Variants in CNTN1 observed in about 807,000 individuals in gnomAD.
CNTN1 encodes the protein contactin 1, also known as contactin-1.
A neutral mutation model predicts 126.4 loss-of-function variants in CNTN1; 38 were observed. The ratio of observed to expected loss-of-function variants is 0.30; its 90% CI spans 0.23 to 0.39. CNTN1 has a LOEUF of 0.39. CNTN1 is among the 10% of genes least tolerant of loss of function. The pLI, the probability that CNTN1 is intolerant of heterozygous loss-of-function variation, is 1.00. For missense variants in CNTN1, 1,009 were observed against 1,248.4 expected, an observed-to-expected ratio of 0.81 and a Z score of 2.89; for synonymous variants, 413 against 422.6, an observed-to-expected ratio of 0.98 and a Z score of 0.28.
intron 14 of CNTN1, among the ~76,000 whole-genome samples, chr12:40,947,574 A>G: frequency 6.6e-6 from 1 of 151,886 alleles, no homozygotes. Context: ...TATGAATTTT[A>G]AATATCTCAT....
In CNTN1 at chr12:41,020,455, T is replaced by G; in HGVS notation, c.2523+15T>G. On this transcript the variant is annotated intron_variant, in intron 20 of 23. Coordinates refer to ENST00000551295, the MANE Select transcript of CNTN1 (RefSeq NM_001843.4). ...AAAGCTATCAGGTACGTTAAATTTTTATCAAACTAAATACATTTATTCATA... is the reference window on the plus strand; with the variant it reads ...AAAGCTATCAGGTACGTTAAATTTTGATCAAACTAAATACATTTATTCATA... The G allele has an allele frequency of 6.8e-7, 1 of 1,478,280 alleles. No individual in the cohort carries two copies. The highest frequency in any genetic ancestry group is 9.5e-7 in the Non-Finnish European group (1 of 1,057,808). The allele number at this position is 1,478,280 out of a possible 1,614,324, so 91.6% of individuals were successfully genotyped here. A position where few individuals can be genotyped will look rare whatever the true frequency, so the allele number is the denominator to read the frequency against.
At chr12:40,882,714 T>C (rs1274317217) in intron 1 of CNTN1, among the ~76,000 whole-genome samples, 1 of 151,634 alleles carries the variant, frequency 6.6e-6, no homozygotes, top group East Asian at 1.9e-4. Flanking sequence ...CCACCTGGTG[T>C]ACCTTCTAAG....
At chr12:40,972,031 A>G (rs1947531282) in intron 15 of CNTN1, 5 of 985,864 alleles carry the variant, frequency 5.1e-6, no homozygotes, top group African/African-American at 1.7e-5. Context: ...CTTTGGCATG[A>G]AAGAATGAAA....
chr12:40,767,149 G>C (rs991378210), intron 1 of CNTN1, among the ~76,000 whole-genome samples: 1 of 151,940 alleles, frequency 6.6e-6, no homozygotes, highest in Admixed American at 6.6e-5. Context: ...ATCAAGGAGA[G>C]TATTTAGAAA....
At chr12:40,782,438 CT>C (rs1939840574) in intron 1 of CNTN1, among the ~76,000 whole-genome samples, 1 of 151,882 alleles carries the variant, frequency 6.6e-6, no homozygotes, top group Admixed American at 6.6e-5. Context: ...TGCAACTGAT[CT>C]TCTATAGAAC....
intron 17 of CNTN1, among the ~76,000 whole-genome samples, chr12:41,002,650 C>T (rs541900103): frequency 9.9e-5 from 15 of 151,508 alleles, no homozygotes; most frequent in Admixed American, 3.3e-4. Flanking sequence ...CTCTGCCTCC[C>T]GGTTTAACGC....
chr12:40,732,331 T>G (rs1052136053), intron 1 of CNTN1, among the ~76,000 whole-genome samples: 4 of 152,136 alleles, frequency 2.6e-5, no homozygotes, highest in Non-Finnish European at 4.4e-5. Context: ...AATGGGGACA[T>G]TCAACATTAA....
At chr12:40,824,396 G>A (rs1941542895) in intron 1 of CNTN1, among the ~76,000 whole-genome samples, 1 of 152,010 alleles carries the variant, frequency 6.6e-6, no homozygotes, top group Admixed American at 6.6e-5. Context: ...ATAAATTAAT[G>A]TTTCTAAAGT....
Position 41,070,438 on chromosome 12 carries a change from T to C in CNTN1, c.*403T>C, listed in dbSNP as rs545368907. ...GTGAAATATAATAGAGATTGAAATGTTGGTTGTATGTGGTAAATGTAAGAG... is the reference window on the plus strand; with the variant it reads ...GTGAAATATAATAGAGATTGAAATGCTGGTTGTATGTGGTAAATGTAAGAG... On this transcript the variant is annotated 3_prime_UTR_variant, in exon 24 of 24. Coordinates refer to ENST00000551295, the MANE Select transcript of CNTN1 (RefSeq NM_001843.4). 5 of 279,492 alleles carry C rather than the reference T, an allele frequency of 1.8e-5. No individual in the cohort carries two copies. In the East Asian group the frequency reaches 4.5e-4, roughly 25 times the overall value. 17.3% of individuals were successfully genotyped at this position (279,492 alleles called of 1,614,324 possible).
At chr12:40,760,191 G>C (rs1938801145) in intron 1 of CNTN1, among the ~76,000 whole-genome samples, 1 of 151,942 alleles carries the variant, frequency 6.6e-6, no homozygotes, top group Admixed American at 6.6e-5. Flanking sequence ...AATATGTTTT[G>C]TTTTGATTTT....
chr12:41,023,509 T>A (rs1948972130), intron 20 of CNTN1, among the ~76,000 whole-genome samples: 1 of 152,246 alleles, frequency 6.6e-6, no homozygotes, highest in African/African-American at 2.4e-5. Context: ...TTTGGAACTT[T>A]GGGCTCTTGC....
intron 19 of CNTN1, among the ~76,000 whole-genome samples, chr12:41,019,017 G>A (rs1592412929): frequency 6.6e-6 from 1 of 152,070 alleles, no homozygotes; most frequent in East Asian, 1.9e-4. Context: ...TTAGCCAGGT[G>A]TTGTGGCACA....
intron 1 of CNTN1, among the ~76,000 whole-genome samples, chr12:40,809,812 TCTCACACACACA>T (rs1299463226): frequency 7.1e-5 from 3 of 42,058 alleles, no homozygotes; most frequent in African/African-American, 2.6e-4. Context: ...TGAGACTCTG[TCTCACACACACA>T]CACACACACA....
intron 23 of CNTN1, among the ~76,000 whole-genome samples, chr12:41,058,426 T>C (rs1949871727): frequency 6.6e-6 from 1 of 152,138 alleles, no homozygotes; most frequent in African/African-American, 2.4e-5. Flanking sequence ...AATGCTGGTA[T>C]TGAAGGAATT....
intron 23 of CNTN1, among the ~76,000 whole-genome samples, chr12:41,067,271 A>T (rs1197370012): frequency 1.3e-5 from 2 of 152,150 alleles, no homozygotes; most frequent in Non-Finnish European, 2.9e-5. Flanking sequence ...CAAAGCCACA[A>T]ATTATGAAAT....
chr12:40,829,366 A>T (rs1941729181), intron 1 of CNTN1, among the ~76,000 whole-genome samples: 2 of 152,098 alleles, frequency 1.3e-5, no homozygotes, highest in Admixed American at 6.6e-5. Flanking sequence ...TATATGCACT[A>T]TAATATATAG....
intron 1 of CNTN1, among the ~76,000 whole-genome samples, chr12:40,723,161 T>C (rs1190244757): frequency 6.6e-6 from 1 of 152,180 alleles, no homozygotes; most frequent in Non-Finnish European, 1.5e-5. Context: ...CCGACTTCGC[T>C]CCTTATCTGG....
Position 40,817,018 on chromosome 12 carries a change from G to A in CNTN1, c.-76-91339G>A, listed in dbSNP as rs7137487. On this transcript the variant is annotated intron_variant, in intron 1 of 23. Transcript: ENST00000551295. ...TGCACTGTGGTTTGCAAGACTGTTCGTTATGATTTCCATTATTTTGCATTT... is the reference window on the plus strand; with the variant it reads ...TGCACTGTGGTTTGCAAGACTGTTCATTATGATTTCCATTATTTTGCATTT... 9.4e-3 allele frequency among the ~76,000 whole-genome samples: 1,432 copies of A among 152,238 alleles called. 22 individuals are homozygous for A. The highest frequency in any genetic ancestry group is 0.033 in the African/African-American group (1,354 of 41,550).
intron 1 of CNTN1, among the ~76,000 whole-genome samples, chr12:40,801,010 G>GTTTTTTTTTTTTTTTT (rs35813803): frequency 2.8e-5 from 4 of 142,728 alleles, no homozygotes; most frequent in African/African-American, 2.6e-5. Context: ...TCAAACTAGA[G>GTTTTTTTTTTTTTTTT]TTTTGTTTTT....
Sources: gnomAD v4.1 joint callset for allele counts (sites outside exome capture counted in the v4.1 genomes callset) on GRCh38, gnomAD v4.1.1 for gene constraint, MANE v1.5 for transcripts, NCBI Gene and HGNC (gene_info 2026-07-23, HGNC 2026-07-21) for gene names.